The following RPRD1A variants were observed in gnomAD, a reference collection of about 807,000 sequenced individuals.
RPRD1A encodes the protein regulation of nuclear pre-mRNA domain-containing protein 1A.
Under a neutral mutation model 37.8 loss-of-function variants are expected in RPRD1A, and 9 were observed. That is an observed-to-expected ratio of 0.24 (90% CI 0.14 to 0.42). The LOEUF is 0.42. RPRD1A is among the 10% of genes least tolerant of loss of function. RPRD1A has a pLI of 1.00. For synonymous variants in RPRD1A, 138 were observed against 139.7 expected, an observed-to-expected ratio of 0.99 and a Z score of 0.08; for missense variants, 255 against 371.0, an observed-to-expected ratio of 0.69 and a Z score of 2.57.
At position 36,067,514 on chromosome 18, in the gene RPRD1A, AC is replaced by A; in HGVS notation, c.-111del. ...TCACCCCACCCTTCCCCACGCTCTC[AC>A]CACGGCCGCCGCTTCATCCAAGACC... is the stretch of plus-strand genomic sequence containing the variant. On this transcript the variant is annotated 5_prime_UTR_variant, in exon 1 of 7. The change abolishes the stop of an existing upstream ORF in the 5' untranslated region. Coordinates refer to ENST00000399022, the MANE Select transcript of RPRD1A (RefSeq NM_018170.5). 1 of 1,167,928 alleles carries A rather than the reference AC, an allele frequency of 8.6e-7. No homozygotes were observed. The highest frequency in any genetic ancestry group is 1.2e-6 in the Non-Finnish European group (1 of 845,026). 72.3% of individuals were successfully genotyped at this position (1,167,928 alleles called of 1,614,324 possible).
At chr18:36,030,425 G>A (rs998826239) in intron 4 of RPRD1A, among the ~76,000 whole-genome samples, 1 of 151,802 alleles carries the variant, frequency 6.6e-6, no homozygotes, top group Non-Finnish European at 1.5e-5. Context: ...AGAGGTTGCA[G>A]TGAGCCAAGA....
At chr18:36,049,188 G>C (rs1913189051) in intron 1 of RPRD1A, among the ~76,000 whole-genome samples, 1 of 152,192 alleles carries the variant, frequency 6.6e-6, no homozygotes, top group Non-Finnish European at 1.5e-5. Context: ...TTACAGGCAT[G>C]AGCCACCATG....
At chr18:36,044,947 T>TA (rs1210628457) in intron 1 of RPRD1A, among the ~76,000 whole-genome samples, 8 of 151,354 alleles carry the variant, frequency 5.3e-5, no homozygotes, top group South Asian at 2.1e-4. Flanking sequence ...TGATAACTTT[T>TA]AAAAAAAATA....
rs1053842626 is a variant in RPRD1A, at chr18:36,020,437, A to C, written c.789+6463T>G. ...GAGAAAATGAATGGCCTTGGACAGA[A>C]GGCTTATAGATAATATTCAGAAATC... On this transcript the variant is annotated intron_variant, in intron 6 of 6. Coordinates refer to ENST00000399022, the MANE Select transcript of RPRD1A (RefSeq NM_018170.5). Among the ~76,000 whole-genome samples, 5 of 152,234 alleles carry C rather than the reference A, an allele frequency of 3.3e-5. No homozygotes were observed. The South Asian group carries it at 1.0e-3, about 32-fold the overall frequency.
intron 6 of RPRD1A, among the ~76,000 whole-genome samples, chr18:35,995,654 C>T (rs958327995): frequency 2.0e-5 from 3 of 152,178 alleles, no homozygotes; most frequent in African/African-American, 7.2e-5. Flanking sequence ...CATTTCATAT[C>T]TGAAAAGTTT....
intron 1 of RPRD1A, among the ~76,000 whole-genome samples, chr18:36,041,534 CAACA>C (rs1166946423): frequency 6.6e-5 from 10 of 152,252 alleles, no homozygotes; most frequent in East Asian, 5.8e-4. Flanking sequence ...AAATGTAGTG[CAACA>C]AACAAATTAA....
intron 6 of RPRD1A, among the ~76,000 whole-genome samples, chr18:36,001,267 AGAGT>A (rs1195389015): frequency 6.6e-6 from 1 of 152,204 alleles, no homozygotes; most frequent in East Asian, 1.9e-4. Flanking sequence ...TGGAGCAGAG[AGAGT>A]AAGCCAGGAG....
intron 6 of RPRD1A, among the ~76,000 whole-genome samples, chr18:36,021,220 T>G (rs1251886889): frequency 6.6e-6 from 1 of 152,212 alleles, no homozygotes; most frequent in Non-Finnish European, 1.5e-5. Flanking sequence ...TTTAATACAC[T>G]TTCAAGATAC....
In RPRD1A at chr18:35,992,463, TACAA is replaced by T. The variant is rs1908768958; in HGVS notation, c.*684_*687del. 1 of 152,270 alleles carries T rather than the reference TACAA, an allele frequency of 6.6e-6. No individual in the cohort carries two copies. The highest frequency in any genetic ancestry group is 2.4e-5 in the African/African-American group (1 of 41,572). The allele number at this position is 152,270 out of a possible 1,614,324, so 9.4% of individuals were successfully genotyped here. A position where few individuals can be genotyped will look rare whatever the true frequency, so the allele number is the denominator to read the frequency against. ...TTCATTATTAATCTACTCAAATAAT[TACAA>T]ACAGTTTAATCAAGGGAGTCACTAT... On this transcript the variant is annotated 3_prime_UTR_variant, in exon 7 of 7. Transcript: ENST00000399022.
chr18:36,005,204 G>C (rs1247587077), intron 6 of RPRD1A, among the ~76,000 whole-genome samples: 1 of 152,158 alleles, frequency 6.6e-6, no homozygotes, highest in Admixed American at 6.5e-5. Flanking sequence ...CAGAGCCTGA[G>C]GCAGGAGAAT....
At chr18:36,018,267 G>A (rs963894086) in intron 6 of RPRD1A, among the ~76,000 whole-genome samples, 12 of 148,704 alleles carry the variant, frequency 8.1e-5, no homozygotes, top group Non-Finnish European at 1.3e-4. Context: ...CCTCTTCCAA[G>A]TTACACTTTT....
chr18:36,050,349 C>T (rs1392561156), intron 1 of RPRD1A, among the ~76,000 whole-genome samples: 2 of 152,002 alleles, frequency 1.3e-5, no homozygotes, highest in Non-Finnish European at 1.5e-5. Flanking sequence ...GATCCTCCAA[C>T]CTCAGAGTAT....
At chr18:35,996,450 ATAAATCT>A (rs1452836735) in intron 6 of RPRD1A, among the ~76,000 whole-genome samples, 1 of 152,220 alleles carries the variant, frequency 6.6e-6, no homozygotes, top group Non-Finnish European at 1.5e-5. Flanking sequence ...TTCAGGTAAT[ATAAATCT>A]TTCAACTTTT....
chr18:36,039,461 A>C (rs1912431727), intron 1 of RPRD1A, among the ~76,000 whole-genome samples: 1 of 152,228 alleles, frequency 6.6e-6, no homozygotes, highest in Admixed American at 6.5e-5. Context: ...TCAATTAACA[A>C]GCTTCAAAAA....
intron 6 of RPRD1A, among the ~76,000 whole-genome samples, chr18:35,996,977 CAAAAAAAAAAA>C (rs200694089): frequency 9.0e-5 from 5 of 55,612 alleles, no homozygotes; most frequent in African/African-American, 3.8e-4. Flanking sequence ...GACCCTGTCT[CAAAAAAAAAAA>C]AAAAAAAAAA....
At chr18:36,033,967 G>C in intron 1 of RPRD1A, 130 bp from the exon 2 acceptor site, 1 of 677,768 alleles carries the variant, frequency 1.5e-6, no homozygotes, top group East Asian at 2.9e-5. Flanking sequence ...TTCAACCCTA[G>C]TCTCTCATTT....
intron 1 of RPRD1A, among the ~76,000 whole-genome samples, chr18:36,065,941 C>T (rs2089021742): frequency 1.3e-5 from 2 of 151,948 alleles, no homozygotes; most frequent in African/African-American, 4.8e-5. Flanking sequence ...ATACTGATTA[C>T]ATGTGTTTCT....
intron 6 of RPRD1A, among the ~76,000 whole-genome samples, chr18:36,002,738 C>T (rs902545516): frequency 6.6e-6 from 1 of 152,236 alleles, no homozygotes; most frequent in Non-Finnish European, 1.5e-5. Flanking sequence ...CTTGCTTTCT[C>T]TCTTCAGGCT....
intron 6 of RPRD1A, among the ~76,000 whole-genome samples, chr18:36,014,651 G>C (rs1029940893): frequency 6.6e-6 from 1 of 152,206 alleles, no homozygotes; most frequent in South Asian, 2.1e-4. Context: ...GCTGAGGCAG[G>C]AGAATGGCGT....
Sources: gnomAD v4.1 joint callset for allele counts (sites outside exome capture counted in the v4.1 genomes callset) on GRCh38, gnomAD v4.1.1 for gene constraint, MANE v1.5 for transcripts, NCBI Gene and HGNC (gene_info 2026-07-23, HGNC 2026-07-21) for gene names.